Variants in ADAM22 observed in about 807,000 individuals in gnomAD.
ADAM22 encodes disintegrin and metalloproteinase domain-containing protein 22.
A neutral mutation model predicts 144.6 loss-of-function variants in ADAM22; 65 were observed. The ratio of observed to expected loss-of-function variants is 0.45; its 90% confidence interval spans 0.37 to 0.55. ADAM22 has a LOEUF of 0.55. Among genes scored for constraint, ADAM22 ranks in the 20% least tolerant of loss-of-function variants. The pLI, the probability that ADAM22 is intolerant of heterozygous loss-of-function variation, is 0.00. For missense variants in ADAM22, 974 were observed against 1,184.9 expected, an observed-to-expected ratio of 0.82 and a Z score of 2.61; for synonymous variants, 391 against 412.6, an observed-to-expected ratio of 0.95 and a Z score of 0.63.
chr7:88,184,139 C>T (rs745554158), intron 29 of ADAM22, among the ~76,000 whole-genome samples: 45 of 152,228 alleles, frequency 3.0e-4, no homozygotes, highest in Non-Finnish European at 5.4e-4. Context: ...AAAACATGCA[C>T]CATAAAGGCA....
At chr7:88,019,857 ATGTGTGTGTGTGTGTGTGTGTG>A (rs35909431) in intron 3 of ADAM22, among the ~76,000 whole-genome samples, 3 of 138,940 alleles carry the variant, frequency 2.2e-5, no homozygotes, top group Non-Finnish European at 4.7e-5. Context: ...CTCAAAAAAT[ATGTGTGTGTGTGTGTGTGTGTG>A]TGTGTGTGTG....
At chr7:87,991,947 T>A (rs1488292120) in intron 3 of ADAM22, among the ~76,000 whole-genome samples, 1 of 152,206 alleles carries the variant, frequency 6.6e-6, no homozygotes, top group Admixed American at 6.5e-5. Flanking sequence ...CTTAATCTGT[T>A]TTTCTCTCAC....
At chr7:88,195,991 C>T (rs1036082188) in intron 31 of ADAM22, among the ~76,000 whole-genome samples, 1 of 152,086 alleles carries the variant, frequency 6.6e-6, no homozygotes, top group East Asian at 1.9e-4. Flanking sequence ...GCCTGAGTCC[C>T]ACCCAGAGAG....
At chr7:87,956,332 G>C (rs1261245757) in intron 2 of ADAM22, among the ~76,000 whole-genome samples, 3 of 152,170 alleles carry the variant, frequency 2.0e-5, no homozygotes. Flanking sequence ...GTGGAGAGGA[G>C]ACCCTACATT....
intron 4 of ADAM22, among the ~76,000 whole-genome samples, chr7:88,103,343 C>T (rs537040931): frequency 1.3e-5 from 2 of 151,958 alleles, no homozygotes; most frequent in East Asian, 3.9e-4. Context: ...TCTATTTTTC[C>T]TTTGAGATTT....
chr7:87,975,725 A>T (rs999059907), intron 2 of ADAM22, among the ~76,000 whole-genome samples: 1 of 152,230 alleles, frequency 6.6e-6, no homozygotes, highest in African/African-American at 2.4e-5. Flanking sequence ...CCAAGCTGTA[A>T]TCATGATACC....
chr7:88,137,754 G>T (rs1337176797), intron 14 of ADAM22, among the ~76,000 whole-genome samples: 1 of 152,070 alleles, frequency 6.6e-6, no homozygotes, highest in East Asian at 1.9e-4. Context: ...GTACAAACTT[G>T]ATTTTCAACA....
chr7:88,124,097 T>A (rs1047792486), intron 7 of ADAM22, among the ~76,000 whole-genome samples: 2 of 151,976 alleles, frequency 1.3e-5, no homozygotes, highest in African/African-American at 4.8e-5. Flanking sequence ...CTTCAATTAT[T>A]GGGTAAAGTG....
chr7:88,091,753 A>G (rs988931485), intron 4 of ADAM22, among the ~76,000 whole-genome samples: 5 of 152,210 alleles, frequency 3.3e-5, no homozygotes, highest in Admixed American at 2.6e-4. Flanking sequence ...ATGGAAATAA[A>G]TGATCATAAT....
At chr7:88,059,011 A>G (rs1209530868) in intron 3 of ADAM22, among the ~76,000 whole-genome samples, 1 of 152,160 alleles carries the variant, frequency 6.6e-6, no homozygotes, top group Non-Finnish European at 1.5e-5. Flanking sequence ...GGCAAGTGAT[A>G]TACTGAAAAC....
chr7:88,192,254 T>C (rs942520009), intron 30 of ADAM22, among the ~76,000 whole-genome samples: 5 of 152,228 alleles, frequency 3.3e-5, no homozygotes, highest in African/African-American at 4.8e-5. Context: ...GTGGTAACGT[T>C]TGTGAATGGA....
Position 88,153,344 on chromosome 7 carries a change from G to C in ADAM22, c.1787+18G>C. ...AACAAACGGTGAGGTGGAGACGTCA[G>C]CCCAGAATTCATCCCTTGGTCAATT... On this transcript the variant is annotated intron_variant, in intron 21 of 31. Coordinates refer to ENST00000413139, the MANE Select transcript of ADAM22 (RefSeq NM_001324418.2). 1 of 1,591,266 alleles carries C rather than the reference G, an allele frequency of 6.3e-7. No homozygotes were observed. The highest frequency in any genetic ancestry group is 8.6e-7 in the Non-Finnish European group (1 of 1,164,836).
At chr7:87,953,096 G>C (rs1845682310) in intron 2 of ADAM22, among the ~76,000 whole-genome samples, 2 of 151,414 alleles carry the variant, frequency 1.3e-5, no homozygotes, top group Admixed American at 1.3e-4. Flanking sequence ...CCAGCTCCTG[G>C]CTTCATTAAT....
chr7:88,182,103 C>T, intron 29 of ADAM22, 79 bp downstream of exon 29: 2 of 1,257,034 alleles, frequency 1.6e-6, no homozygotes, highest in South Asian at 2.7e-5. Context: ...AGCAGATAGT[C>T]AAAGAACTGT....
intron 30 of ADAM22, among the ~76,000 whole-genome samples, chr7:88,189,137 A>G (rs534890619): frequency 1.4e-4 from 21 of 152,292 alleles, no homozygotes; most frequent in Non-Finnish European, 2.4e-4. Flanking sequence ...GTGCCCCCTT[A>G]TCCAGTTTCG....
chr7:88,076,322 G>A (rs1814485040), intron 4 of ADAM22, among the ~76,000 whole-genome samples: 1 of 152,218 alleles, frequency 6.6e-6, no homozygotes, highest in African/African-American at 2.4e-5. Flanking sequence ...ACAGGCATGA[G>A]CCAACGCGCC....
chr7:88,098,936 A>G (rs1408499342), intron 4 of ADAM22, among the ~76,000 whole-genome samples: 1 of 152,204 alleles, frequency 6.6e-6, no homozygotes, highest in Non-Finnish European at 1.5e-5. Flanking sequence ...AATAGTACAG[A>G]GATTTTTAAT....
intron 2 of ADAM22, among the ~76,000 whole-genome samples, chr7:87,951,189 G>A (rs976434600): frequency 4.7e-5 from 7 of 147,562 alleles, no homozygotes; most frequent in African/African-American, 1.5e-4. Context: ...GTTGCTTTTG[G>A]TGTTTTAGAC....
chr7:88,177,622 A>T (rs1470821955), intron 26 of ADAM22, among the ~76,000 whole-genome samples: 1 of 152,208 alleles, frequency 6.6e-6, no homozygotes, highest in African/African-American at 2.4e-5. Flanking sequence ...GCTTCATACT[A>T]ACTGAAAAAT....
Sources: gnomAD v4.1 joint callset for allele counts (sites outside exome capture counted in the v4.1 genomes callset) on GRCh38, gnomAD v4.1.1 for gene constraint, MANE v1.5 for transcripts, NCBI Gene and HGNC (gene_info 2026-07-23, HGNC 2026-07-21) for gene names.